Variants in WTAP observed in about 807,000 individuals in gnomAD.
WTAP encodes the protein WT1 associated protein, also known as pre-mRNA-splicing regulator WTAP.
Under a neutral mutation model 50.0 loss-of-function variants are expected in WTAP, and 8 were observed. The ratio of observed to expected loss-of-function variants is 0.16; its 90% confidence interval spans 0.09 to 0.29. WTAP has a LOEUF of 0.29. Among genes scored for constraint, WTAP ranks in the 10% least tolerant of loss-of-function variants. The pLI, the probability that WTAP is intolerant of heterozygous loss-of-function variation, is 1.00. For synonymous variants in WTAP, 194 were observed against 169.0 expected (o/e 1.15, Z -1.15); for missense variants, 295 against 470.7 (o/e 0.63, Z 3.45).
rs199970536 is a variant in WTAP, at chr6:159,737,487, A to AT, written c.30+1196dup. On this transcript the variant is annotated intron_variant, in intron 2 of 7. Transcript: ENST00000621533. ...GTAAGGGAATACTAATAAAGCCTTT[A>AT]TTTTATTTTTATTTTTTATTTTCTG... 5.2e-3 allele frequency among the ~76,000 whole-genome samples: 786 copies of AT among 151,956 alleles called. 5 individuals carry two copies. The highest frequency in any genetic ancestry group is 0.018 in the African/African-American group (744 of 41,482).
At chr6:159,750,352 T>A (rs937520988) in intron 6 of WTAP, among the ~76,000 whole-genome samples, 1 of 152,176 alleles carries the variant, frequency 6.6e-6, no homozygotes, top group African/African-American at 2.4e-5. Flanking sequence ...AGTTCTATGG[T>A]TTTTTTCTTG....
chr6:159,742,204 C>A (rs544456531), intron 4 of WTAP, 58 bp downstream of exon 4: 3 of 1,393,500 alleles, frequency 2.2e-6, no homozygotes, highest in South Asian at 2.5e-5. Context: ...TTGTTAAAAT[C>A]AAAAGGATAG....
At chr6:159,738,916 G>A (rs1168900555) in intron 2 of WTAP, 74 bp from the exon 3 acceptor site, 24 of 1,099,688 alleles carry the variant, frequency 2.2e-5, no homozygotes, top group Non-Finnish European at 3.2e-5. Flanking sequence ...CTTGGGAGAT[G>A]TTTCATAGGT....
At position 159,738,992 on chromosome 6, in the gene WTAP, T is replaced by G; in HGVS notation, c.33T>G (p.Val11=). The G allele has an allele frequency of 1.2e-6, 2 of 1,610,640 alleles. No homozygotes were observed. Among genetic ancestry groups the G allele is most frequent in the East Asian group, 2.2e-5 (1 of 44,684 alleles). The part of the protein sequence containing the change: MTNEEPLPKK[V]RLSETDFKVM... ...TCATATTGTAATTCTCTTTATAGGT[T>G]CGATTGAGTGAAACAGACTTCAAAG... is the stretch of plus-strand genomic sequence containing the variant. Residue 11 remains valine, a splice_region_variant and synonymous_variant, in exon 3 of 8, where the codon GTT becomes GTG. Transcript: ENST00000621533.
chr6:159,754,116 ATC>A (rs1562468236), intron 7 of WTAP, among the ~76,000 whole-genome samples: 4 of 152,340 alleles, frequency 2.6e-5, no homozygotes, highest in African/African-American at 7.2e-5. Context: ...GTGTAGCTGT[ATC>A]TCTGTTTCTC....
chr6:159,728,151 T>A (rs1324565094), intron 1 of WTAP, among the ~76,000 whole-genome samples: 1 of 152,266 alleles, frequency 6.6e-6, no homozygotes, highest in Non-Finnish European at 1.5e-5. Flanking sequence ...TGTTACTACG[T>A]TCTCTTGTAG....
Position 159,743,744 on chromosome 6 carries a change from C to T in WTAP, c.225C>T (p.Ile75=), listed in dbSNP as rs775285813. ...QQQESARREN[I]LVMRLATKEQ... The stretch of plus-strand genomic sequence containing the variant: ...AGGAGTCTGCACGCAGGGAAAACAT[C>T]CTTGTAATGCGACTAGCAACCAAGG... The change falls in exon 5 of 8, where the codon ATC becomes ATT. Residue 75 remains isoleucine (I), a synonymous_variant. Coordinates refer to ENST00000621533, the MANE Select transcript of WTAP (RefSeq NM_001270531.2). 6.2e-7 allele frequency: 1 copy of T among 1,613,294 alleles called. No homozygotes were observed. The highest frequency in any genetic ancestry group is 1.1e-5 in the South Asian group (1 of 90,928).
At chr6:159,732,978 C>A (rs1040827150) in intron 1 of WTAP, among the ~76,000 whole-genome samples, 1 of 151,056 alleles carries the variant, frequency 6.6e-6, no homozygotes, top group South Asian at 2.1e-4. Flanking sequence ...GATTTGATAT[C>A]TGGGTTCTAA....
chr6:159,755,765 CT>C lies in WTAP; in HGVS notation c.*179del. The C allele has an allele frequency of 0.13, 22,515 of 172,080 alleles. No individual in the cohort carries two copies. The highest frequency in any genetic ancestry group is 0.14 in the Non-Finnish European group (20,064 of 140,708). 10.7% of individuals were successfully genotyped at this position (172,080 alleles called of 1,614,324 possible). ...TTTTTCTTTGTTTTTTTTTTCTTTT[CT>C]TTTTTTTTTTTTTTTTTTTTTTTTG... On this transcript the variant is annotated 3_prime_UTR_variant, in exon 8 of 8. Transcript: ENST00000621533.
intron 6 of WTAP, chr6:159,749,295 G>A (rs546098413): frequency 1.3e-4 from 130 of 985,720 alleles, no homozygotes; most frequent in South Asian, 4.7e-4. Flanking sequence ...TGAAATCCCC[G>A]TTCCATTCAA....
chr6:159,747,267 C>A (rs1294939758), intron 5 of WTAP, among the ~76,000 whole-genome samples: 1 of 151,920 alleles, frequency 6.6e-6, no homozygotes, highest in Non-Finnish European at 1.5e-5. Flanking sequence ...CAACTGAAGT[C>A]GAAATTGAAG....
At chr6:159,738,108 TGGG>T (rs1425241620) in intron 2 of WTAP, among the ~76,000 whole-genome samples, 1 of 152,226 alleles carries the variant, frequency 6.6e-6, no homozygotes, top group Admixed American at 6.5e-5. Flanking sequence ...GCACTGTTAT[TGGG>T]GGAAGTGGGG....
intron 7 of WTAP, 80 bp from the exon 8 acceptor site, chr6:159,754,948 T>A (rs999033983): frequency 1.4e-6 from 2 of 1,402,494 alleles, no homozygotes; most frequent in Non-Finnish European, 1.9e-6. Flanking sequence ...ATTGACTCCC[T>A]TGCTTTGTGG....
chr6:159,735,234 A>G (rs7745398), intron 1 of WTAP, among the ~76,000 whole-genome samples: 47,048 of 151,982 alleles, frequency 0.31, 8,478 homozygotes, highest in African/African-American at 0.5. Flanking sequence ...TCCGCCTCCC[A>G]GGTTCAGGCG....
chr6:159,737,737 C>T (rs1779008433), intron 2 of WTAP, among the ~76,000 whole-genome samples: 1 of 152,136 alleles, frequency 6.6e-6, no homozygotes, highest in Non-Finnish European at 1.5e-5. Context: ...AGATATACTC[C>T]CGCCTCAGTC....
intron 2 of WTAP, among the ~76,000 whole-genome samples, chr6:159,738,709 C>T (rs922487859): frequency 6.6e-6 from 1 of 152,090 alleles, no homozygotes; most frequent in Admixed American, 6.5e-5. Flanking sequence ...TCCTCACCAG[C>T]GTTTGGTGTT....
rs757076462 is a variant in WTAP at position 159,755,181 on chromosome 6, C to G, written c.761C>G (p.Thr254Ser). 1.9e-6 allele frequency: 3 copies of G among 1,614,026 alleles called. No homozygotes were observed. Among genetic ancestry groups the G allele is most frequent in the African/African-American group, 1.3e-5 (1 of 74,922 alleles). The part of the protein sequence containing the change: ...SQASAPSTSR[T>S]TASEPVEQSE... The stretch of plus-strand genomic sequence containing the variant: ...GCCTCTGCCCCAAGTACCAGCAGGA[C>G]TACAGCTTCTGAACCTGTAGAACAG... The change falls in exon 8 of 8, where the codon ACT (threonine) becomes AGT (serine). Residue 254 changes from threonine (T) to serine (S), a missense_variant. Thr to Ser is a moderately conservative substitution (Grantham distance 58, BLOSUM62 1). Around this residue, in one of 2 missense-constraint regions of WTAP, gnomAD observed 175 missense variants for 183.1 expected, o/e 0.96. Transcript: ENST00000621533.
At chr6:159,744,318 G>T (rs529413154) in intron 5 of WTAP, among the ~76,000 whole-genome samples, 98 of 152,230 alleles carry the variant, frequency 6.4e-4, no homozygotes, top group Non-Finnish European at 1.2e-3. Context: ...TCCAGCTCTG[G>T]TAGTTTAGGC....
At position 159,755,723 on chromosome 6, in the gene WTAP, GTT is replaced by G; in HGVS notation, c.*120_*121del. On this transcript the variant is annotated 3_prime_UTR_variant, in exon 8 of 8. Coordinates refer to ENST00000621533, the MANE Select transcript of WTAP (RefSeq NM_001270531.2). ...TGCCTTTTTGTGGGTGTACGTTTTG[GTT>G]TTTTTTTGTTGTTTTTTTTCTTTGT... The G allele has an allele frequency of 1.2e-6, 1 of 834,898 alleles. No individual in the cohort carries two copies. Among genetic ancestry groups the G allele is most frequent in the African/African-American group, 3.1e-5 (1 of 31,952 alleles). 51.7% of individuals were successfully genotyped at this position (834,898 alleles called of 1,614,324 possible).
Sources: allele counts gnomAD v4.1 joint callset (sites outside exome capture counted in the v4.1 genomes callset), GRCh38; gene constraint gnomAD v4.1.1; regional missense constraint gnomAD v4.1.1; transcripts MANE v1.5; gene names NCBI Gene and HGNC (gene_info 2026-07-23, HGNC 2026-07-21).